Variants in PPP1R37 observed in about 807,000 individuals in gnomAD.
PPP1R37 encodes the protein protein phosphatase 1 regulatory subunit 37.
Under a neutral mutation model 61.0 loss-of-function variants are expected in PPP1R37, and 21 were observed. That is an observed-to-expected ratio of 0.34 (90% confidence interval 0.24 to 0.50). PPP1R37 has a LOEUF of 0.50. PPP1R37 is among the 20% of genes least tolerant of loss of function. The pLI is 0.98. For missense variants in PPP1R37, 910 were observed against 952.7 expected, an observed-to-expected ratio of 0.96 and a Z score of 0.59; for synonymous variants, 443 against 433.5, an observed-to-expected ratio of 1.02 and a Z score of -0.27.
intron 1 of PPP1R37, among the ~76,000 whole-genome samples, chr19:45,119,539 A>G (rs1469238334): frequency 6.6e-6 from 1 of 152,234 alleles, no homozygotes; most frequent in African/African-American, 2.4e-5. Flanking sequence ...TTCTGGCTTC[A>G]GAATTGATGA....
intron 11 of PPP1R37, 128 bp downstream of exon 11, chr19:45,146,177 G>A (rs1968697162): frequency 8.9e-6 from 10 of 1,118,088 alleles, no homozygotes; most frequent in Non-Finnish European, 1.1e-5. Flanking sequence ...CCAGCAAAGT[G>A]GGGCTTAGTT....
rs943329504 is a variant in PPP1R37, at chr19:45,127,703, G to A, written c.203-10811G>A. 7.9e-5 allele frequency among the ~76,000 whole-genome samples: 12 copies of A among 152,232 alleles called. No individual in the cohort carries two copies. In the East Asian group the frequency reaches 1.7e-3, roughly 22 times the overall value. ...GAAATGATCAATGTTTGGGCCGGGC[G>A]CGGTGGCTCACGCTTGTAATCCCAG... On this transcript the variant is annotated intron_variant, in intron 1 of 12. Coordinates refer to ENST00000221462, the MANE Select transcript of PPP1R37 (RefSeq NM_019121.2).
Position 45,145,523 on chromosome 19 carries a change from C to A in PPP1R37, c.1467C>A (p.Ala489=). The A allele has an allele frequency of 1.3e-6, 2 of 1,534,270 alleles. No individual in the cohort carries two copies. The highest frequency in any genetic ancestry group is 1.7e-6 in the Non-Finnish European group (2 of 1,146,080). ...AGCCCCAGCCCGACGACGAGCCCGC[C>A]GCTGGGGTGCAGAACGGGGCCCCCA... ...ATEPQPDDEP[A]AGVQNGAPSP... Residue 489 remains alanine, a synonymous_variant, in exon 11 of 13, where the codon GCC becomes GCA. Transcript: ENST00000221462.
chr19:45,140,178 C>T (rs1968591569), intron 2 of PPP1R37, 58 bp from the exon 3 acceptor site: 3 of 1,439,252 alleles, frequency 2.1e-6, no homozygotes, highest in Non-Finnish European at 2.8e-6. Context: ...CCATTTGGGG[C>T]CTCGGCTGCC....
chr19:45,130,839 G>A lies in PPP1R37; in HGVS notation c.203-7675G>A, dbSNP rs545110323. Among the ~76,000 whole-genome samples, 2 of 152,208 alleles carry A rather than the reference G, an allele frequency of 1.3e-5. No individual in the cohort carries two copies. The highest frequency in any genetic ancestry group is 4.2e-4 in the South Asian group (2 of 4,818). On this transcript the variant is annotated intron_variant, in intron 1 of 12. Transcript: ENST00000221462. This position sits in a 1 kb window ranked among gnomAD's most constrained non-coding sequence, Gnocchi z 4.4. ...CAGCCAGAGGTAGCATGGTTGTTAC[G>A]GAGCAGCCCTAAATATTCCTGCTCC...
intron 1 of PPP1R37, among the ~76,000 whole-genome samples, chr19:45,095,758 TAAAAAAAAAA>T (rs371559844): frequency 8.5e-6 from 1 of 117,114 alleles, no homozygotes; most frequent in Non-Finnish European, 1.8e-5. Flanking sequence ...GACCCGGTCT[TAAAAAAAAAA>T]AAAAAAAAAA....
chr19:45,094,194 G>A (rs150069250), intron 1 of PPP1R37, among the ~76,000 whole-genome samples: 4 of 152,276 alleles, frequency 2.6e-5, no homozygotes, highest in Non-Finnish European at 5.9e-5. Context: ...ACATTGCCCA[G>A]GCTGGTCTCG....
chr19:45,117,773 C>T (rs970270079), intron 1 of PPP1R37, among the ~76,000 whole-genome samples: 7 of 152,194 alleles, frequency 4.6e-5, no homozygotes, highest in East Asian at 3.9e-4. Context: ...GCTGGTAGAC[C>T]GGGCTGCAAG....
At chr19:45,125,828 C>T (rs550074701) in intron 1 of PPP1R37, among the ~76,000 whole-genome samples, 1 of 152,346 alleles carries the variant, frequency 6.6e-6, no homozygotes, top group African/African-American at 2.4e-5. Context: ...CAGGGGAAGA[C>T]AGGAAGAGAA....
Position 45,145,786 on chromosome 19 carries a change from C to G in PPP1R37, c.1730C>G (p.Pro577Arg). The G allele has an allele frequency of 6.6e-7, 1 of 1,508,068 alleles. No individual in the cohort carries two copies. The highest frequency in any genetic ancestry group is 8.8e-7 in the Non-Finnish European group (1 of 1,132,142). 93.4% of individuals were successfully genotyped at this position (1,508,068 alleles called of 1,614,324 possible). The change falls in exon 11 of 13, where the codon CCG becomes CGG. Residue 577 changes from proline to arginine, a missense_variant. Physicochemically the swap from Pro to Arg is moderately radical, Grantham distance 103. Around this residue, in one of 3 missense-constraint regions of PPP1R37, gnomAD observed 549 missense variants for 505.1 expected, o/e 1.09. Coordinates refer to ENST00000221462, the MANE Select transcript of PPP1R37 (RefSeq NM_019121.2). ...KVFVVTRVES[P>R]PERAEPPASP... ...TTTGTGGTGACCCGGGTGGAGAGCC[C>G]GCCCGAGAGGGCAGAGCCCCCTGCG...
chr19:45,116,834 T>C (rs1292673674), intron 1 of PPP1R37, among the ~76,000 whole-genome samples: 60 of 151,836 alleles, frequency 4.0e-4, no homozygotes, highest in East Asian at 9.7e-4. Context: ...CAGAGTGTTG[T>C]CTGGGTGTGG....
intron 1 of PPP1R37, chr19:45,128,447 A>T: frequency 1.8e-6 from 1 of 559,740 alleles, no homozygotes; most frequent in Admixed American, 3.1e-5. Context: ...GTGTGTTTAA[A>T]GTCAAGGCAG....
At chr19:45,111,392 A>G (rs916276171) in intron 1 of PPP1R37, among the ~76,000 whole-genome samples, 5 of 152,040 alleles carry the variant, frequency 3.3e-5, no homozygotes, top group Admixed American at 1.3e-4. Context: ...CTCCAGCCAC[A>G]GCCTCCTGAG....
chr19:45,138,905 CTTTTTTTTTTTTT>C (rs34081163), intron 2 of PPP1R37, among the ~76,000 whole-genome samples: 2 of 73,058 alleles, frequency 2.7e-5, no homozygotes, highest in South Asian at 5.6e-4. Flanking sequence ...TTTATGTATT[CTTTTTTTTTTTTT>C]TTTTTTTTTT....
chr19:45,093,348 C>T lies in PPP1R37; in HGVS notation c.23C>T (p.Ala8Val). 1.3e-6 allele frequency: 2 copies of T among 1,498,890 alleles called. No individual in the cohort carries two copies. The highest frequency in any genetic ancestry group is 1.8e-6 in the Non-Finnish European group (2 of 1,128,382). The allele number at this position is 1,498,890 out of a possible 1,614,324, so 92.8% of individuals were successfully genotyped here. A position where few individuals can be genotyped will look rare whatever the true frequency, so the allele number is the denominator to read the frequency against. MEIAPQEAPPVPGADGDI... is the reference protein window; with the variant it reads MEIAPQEVPPVPGADGDI... Reference sequence around the variant, plus strand: ...GCTATGGAGATCGCGCCGCAGGAGGCGCCGCCCGTGCCGGGCGCGGACGGC... The same window carrying T: ...GCTATGGAGATCGCGCCGCAGGAGGTGCCGCCCGTGCCGGGCGCGGACGGC... The change falls in exon 1 of 13, where the codon GCG becomes GTG. Residue 8 changes from alanine to valine, a missense_variant. Around this residue, in one of 3 missense-constraint regions of PPP1R37, gnomAD observed 81 missense variants for 65.4 expected, o/e 1.24. Coordinates refer to ENST00000221462, the MANE Select transcript of PPP1R37 (RefSeq NM_019121.2).
intron 1 of PPP1R37, among the ~76,000 whole-genome samples, chr19:45,094,599 C>G (rs1390141705): frequency 6.6e-6 from 1 of 152,114 alleles, no homozygotes; most frequent in Non-Finnish European, 1.5e-5. Context: ...TAGTGGTGCA[C>G]ACCTGTAATC....
chr19:45,101,738 G>T (rs1405506373), intron 1 of PPP1R37, among the ~76,000 whole-genome samples: 3 of 152,144 alleles, frequency 2.0e-5, no homozygotes, highest in Non-Finnish European at 4.4e-5. Flanking sequence ...GGAGGGGCAT[G>T]GTGGGTGTTT....
chr19:45,122,407 A>G (rs149493519), intron 1 of PPP1R37, among the ~76,000 whole-genome samples: 117 of 152,342 alleles, frequency 7.7e-4, no homozygotes, highest in African/African-American at 2.6e-3. Flanking sequence ...TTCAGTCAAC[A>G]CATATTTATT....
chr19:45,139,477 T>C lies in PPP1R37; in HGVS notation c.301-759T>C, dbSNP rs545769976. Among the ~76,000 whole-genome samples the C allele has an allele frequency of 3.3e-5, 5 of 152,276 alleles. No homozygotes were observed. The South Asian group carries it at 1.0e-3, about 32-fold the overall frequency. ...CCCCAGCCCCCTCCCTCGGCACCTC[T>C]CCTGTGGGCCCCGGCCTGGCGCCTA... is the stretch of plus-strand genomic sequence containing the variant. On this transcript the variant is annotated intron_variant, in intron 2 of 12. Coordinates refer to ENST00000221462, the MANE Select transcript of PPP1R37 (RefSeq NM_019121.2).
Sources: allele counts gnomAD v4.1 joint callset (sites outside exome capture counted in the v4.1 genomes callset), GRCh38; gene constraint gnomAD v4.1.1; regional missense constraint gnomAD v4.1.1; non-coding constraint Gnocchi (gnomAD v3.1); transcripts MANE v1.5; gene names NCBI Gene and HGNC (gene_info 2026-07-23, HGNC 2026-07-21).